The following NRP1 variants were observed in gnomAD, a reference collection of about 807,000 sequenced individuals.
NRP1 encodes the protein neuropilin-1.
A neutral mutation model predicts 106.7 loss-of-function variants in NRP1; 35 were observed. The ratio of observed to expected loss-of-function variants is 0.33; its 90% CI spans 0.25 to 0.43. The LOEUF is 0.43. Among genes scored for constraint, NRP1 ranks in the 20% least tolerant of loss-of-function variants. The pLI is 1.00. For synonymous variants in NRP1, 437 were observed against 417.9 expected, an observed-to-expected ratio of 1.05 and a Z score of -0.56; for missense variants, 1,024 against 1,170.4, an observed-to-expected ratio of 0.87 and a Z score of 1.83.
At chr10:33,187,938 T>G (rs1423549828) in intron 13 of NRP1, among the ~76,000 whole-genome samples, 1 of 152,024 alleles carries the variant, frequency 6.6e-6, no homozygotes, top group Non-Finnish European at 1.5e-5. Context: ...AACCAACGGG[T>G]GGAATCATAA....
intron 2 of NRP1, among the ~76,000 whole-genome samples, chr10:33,284,510 A>G (rs540352485): frequency 6.6e-6 from 1 of 152,204 alleles, no homozygotes; most frequent in Admixed American, 6.5e-5. Flanking sequence ...TATTAAAAAC[A>G]TTACAGGTTC....
intron 6 of NRP1, among the ~76,000 whole-genome samples, chr10:33,237,516 CAA>C (rs60847673): frequency 1.9e-4 from 28 of 148,606 alleles, no homozygotes; most frequent in African/African-American, 6.5e-4. Context: ...CACACACACA[CAA>C]ATCCCACCCA....
At chr10:33,202,514 T>A in intron 11 of NRP1, 4 of 1,224,616 alleles carry the variant, frequency 3.3e-6, no homozygotes, top group Non-Finnish European at 4.3e-6. Flanking sequence ...CATTAGAAAA[T>A]GAAAATAAAC....
intron 2 of NRP1, chr10:33,288,547 C>T (rs1423828192): frequency 6.6e-6 from 1 of 152,348 alleles, no homozygotes; most frequent in Non-Finnish European, 1.5e-5. Context: ...TCAAGTGATC[C>T]TCTCACCTCA....
At chr10:33,232,650 T>TTC (rs1459928356) in intron 6 of NRP1, among the ~76,000 whole-genome samples, 25 of 143,098 alleles carry the variant, frequency 1.7e-4, no homozygotes, top group African/African-American at 6.0e-4. Flanking sequence ...TTTTTTTTTT[T>TTC]TTTTTTTTTT....
chr10:33,306,172 T>C (rs1050253184), intron 2 of NRP1, among the ~76,000 whole-genome samples: 13 of 152,232 alleles, frequency 8.5e-5, no homozygotes, highest in Non-Finnish European at 1.6e-4. Flanking sequence ...CCCCCAACTC[T>C]TTGTGACTTG....
At chr10:33,220,604 C>T (rs10827217) in intron 8 of NRP1, among the ~76,000 whole-genome samples, 42,995 of 152,056 alleles carry the variant, frequency 0.28, 6,513 homozygotes, top group East Asian at 0.62. Context: ...TGCAAGAAAA[C>T]AAATGGACAG....
chr10:33,322,071 G>A (rs1211698566), intron 2 of NRP1, among the ~76,000 whole-genome samples: 3 of 152,124 alleles, frequency 2.0e-5, no homozygotes, highest in Non-Finnish European at 4.4e-5. Context: ...GAATGAGGGC[G>A]CTGTGGGAGA....
At position 33,203,898 on chromosome 10, in the gene NRP1, G is replaced by C. The variant is rs1174605271; in HGVS notation, c.1760-903C>G. ...TGGGACTACAGGCGCCCGCCACCGC[G>C]CCCGGCTAATTTTTTGTATTTTTAG... is the stretch of plus-strand genomic sequence containing the variant. On this transcript the variant is annotated intron_variant, in intron 10 of 16. Coordinates refer to ENST00000374867, the MANE Select transcript of NRP1 (RefSeq NM_003873.7). 4.1e-5 allele frequency among the ~76,000 whole-genome samples: 4 copies of C among 97,798 alleles called. 2 individuals carry two copies. The highest frequency in any genetic ancestry group is 9.3e-5 in the Non-Finnish European group (4 of 42,928). 64.2% of individuals were successfully genotyped at this position (97,798 alleles called of 152,430 possible).
intron 1 of NRP1, among the ~76,000 whole-genome samples, chr10:33,333,247 T>C (rs1320148071): frequency 6.6e-6 from 1 of 151,844 alleles, no homozygotes; most frequent in Non-Finnish European, 1.5e-5. Flanking sequence ...TTTTTTTGCA[T>C]GTGTTTTGCT....
At chr10:33,281,695 C>T (rs540902324) in intron 2 of NRP1, among the ~76,000 whole-genome samples, 1 of 152,104 alleles carries the variant, frequency 6.6e-6, no homozygotes, top group African/African-American at 2.4e-5. Flanking sequence ...CTCAGTGGCT[C>T]GTCTGTAAAA....
At chr10:33,188,156 A>G (rs896046653) in intron 13 of NRP1, among the ~76,000 whole-genome samples, 2 of 152,014 alleles carry the variant, frequency 1.3e-5, no homozygotes, top group African/African-American at 2.4e-5. Flanking sequence ...CCACGATGGG[A>G]AAAAAATACA....
intron 5 of NRP1, among the ~76,000 whole-genome samples, chr10:33,254,746 A>G (rs1486523318): frequency 2.6e-5 from 4 of 152,188 alleles, no homozygotes; most frequent in Non-Finnish European, 4.4e-5. Context: ...CTGCATGACT[A>G]TTAACATAAT....
intron 2 of NRP1, among the ~76,000 whole-genome samples, chr10:33,321,594 T>C (rs1246652810): frequency 6.6e-6 from 1 of 152,204 alleles, no homozygotes; most frequent in African/African-American, 2.4e-5. Flanking sequence ...CTTTAAATAT[T>C]TTGAAGTGAT....
intron 15 of NRP1, 85 bp from the exon 16 acceptor site, chr10:33,182,833 G>GCACACA (rs148435065): frequency 1.2e-4 from 92 of 747,302 alleles, no homozygotes; most frequent in African/African-American, 1.2e-3. Context: ...TTAGGTACAT[G>GCACACA]CACACACACA....
At chr10:33,213,170 CCAGCAAT>C in intron 9 of NRP1, 1 of 1,313,194 alleles carries the variant, frequency 7.6e-7, no homozygotes, top group Non-Finnish European at 1.0e-6. Flanking sequence ...GGGAATGGGA[CCAGCAAT>C]GCAATTCTTT....
In NRP1 at chr10:33,195,667, T is replaced by C. The variant is rs763246947; in HGVS notation, c.1924+1983A>G. 2.9e-4 allele frequency: 138 copies of C among 481,714 alleles called. 2 individuals are homozygous for C. Among genetic ancestry groups the C allele is most frequent in the Non-Finnish European group, 5.5e-5 (13 of 237,248 alleles). The allele number at this position is 481,714 out of a possible 1,614,324, so 29.8% of individuals were successfully genotyped here. The stretch of plus-strand genomic sequence containing the variant: ...ACCTGACCCCTGGCTTGAAGCATGC[T>C]CAAGTCCCCATGCAATATTCTGGGC... On this transcript the variant is annotated intron_variant, in intron 12 of 16. Transcript: ENST00000374867.
At chr10:33,232,745 C>A (rs1182600943) in intron 6 of NRP1, among the ~76,000 whole-genome samples, 1 of 147,824 alleles carries the variant, frequency 6.8e-6, no homozygotes, top group Non-Finnish European at 1.5e-5. Flanking sequence ...CAGGTTCAAG[C>A]AATTCTCCTG....
intron 6 of NRP1, among the ~76,000 whole-genome samples, chr10:33,237,996 A>G (rs1354724215): frequency 2.6e-5 from 4 of 152,206 alleles, no homozygotes; most frequent in African/African-American, 4.8e-5. Flanking sequence ...TATGTAGTCC[A>G]GGAGTCTAGG....
Sources: gnomAD v4.1 joint callset for allele counts (sites outside exome capture counted in the v4.1 genomes callset) on GRCh38, gnomAD v4.1.1 for gene constraint, MANE v1.5 for transcripts, NCBI Gene and HGNC (gene_info 2026-07-23, HGNC 2026-07-21) for gene names.